CNTNAP2: variants seen among roughly 807,000 people sequenced by gnomAD.
CNTNAP2 encodes contactin associated protein 2.
Under a neutral mutation model 155.2 loss-of-function variants are expected in CNTNAP2, and 98 were observed. The observed-to-expected ratio is 0.63, with a 90% CI of 0.54 to 0.75. The LOEUF (loss-of-function observed/expected upper bound fraction) is 0.75. Among genes scored for constraint, CNTNAP2 ranks in the 30% least tolerant of loss-of-function variants. The pLI, the probability that CNTNAP2 is intolerant of heterozygous loss-of-function variation, is 0.00. For missense variants in CNTNAP2, 1,727 were observed against 1,688.1 expected, an observed-to-expected ratio of 1.02 and a Z score of -0.40; for synonymous variants, 651 against 631.2, an observed-to-expected ratio of 1.03 and a Z score of -0.47.
At chr7:146,486,222 G>T (rs557598317) in intron 1 of CNTNAP2, among the ~76,000 whole-genome samples, 2 of 151,544 alleles carry the variant, frequency 1.3e-5, no homozygotes, top group Non-Finnish European at 2.9e-5. Context: ...CCGCCACCGC[G>T]CCCGGCTAAT....
chr7:147,276,739 A>G (rs1328458196), intron 8 of CNTNAP2, among the ~76,000 whole-genome samples: 1 of 151,998 alleles, frequency 6.6e-6, no homozygotes, highest in Non-Finnish European at 1.5e-5. Flanking sequence ...GGCAATATTA[A>G]TGACTATGTT....
chr7:148,158,406 AG>A (rs945672954), intron 17 of CNTNAP2, among the ~76,000 whole-genome samples: 2 of 151,972 alleles, frequency 1.3e-5, no homozygotes, highest in African/African-American at 4.8e-5. Context: ...TATTTTTAGT[AG>A]AGATAGGATT....
chr7:147,497,622 C>A (rs1306097539), intron 11 of CNTNAP2, among the ~76,000 whole-genome samples: 2 of 152,162 alleles, frequency 1.3e-5, no homozygotes, highest in Non-Finnish European at 2.9e-5. Flanking sequence ...ATTCAGAGCT[C>A]TAGAAAAGCC....
chr7:146,857,662 G>A (rs1166771444), intron 3 of CNTNAP2, among the ~76,000 whole-genome samples: 6 of 152,158 alleles, frequency 3.9e-5, no homozygotes, highest in Admixed American at 2.0e-4. Context: ...AATGAGGGAC[G>A]AGAGAGCCTC....
chr7:147,183,867 T>C (rs957355067), intron 8 of CNTNAP2, among the ~76,000 whole-genome samples: 2 of 152,170 alleles, frequency 1.3e-5, no homozygotes, highest in Non-Finnish European at 2.9e-5. Flanking sequence ...ACATGGTACT[T>C]GCCCAGTAAA....
chr7:146,458,878 G>A (rs1206745537), intron 1 of CNTNAP2, among the ~76,000 whole-genome samples: 2 of 152,100 alleles, frequency 1.3e-5, no homozygotes, highest in African/African-American at 2.4e-5. Flanking sequence ...TGCCACCCTC[G>A]ATGATTGGCT....
chr7:147,925,206 G>GGAAGGAAGGAAGGAAGGAAGGAAGGAAA (rs1168048569), intron 14 of CNTNAP2, among the ~76,000 whole-genome samples: 1 of 122,728 alleles, frequency 8.1e-6, no homozygotes, highest in African/African-American at 3.0e-5. Flanking sequence ...AAGGAAGGAA[G>GGAAGGAAGGAAGGAAGGAAGGAAGGAAA]GAAAGAAGGA....
intron 8 of CNTNAP2, among the ~76,000 whole-genome samples, chr7:147,176,759 A>G (rs1449236927): frequency 1.6e-5 from 2 of 127,492 alleles, no homozygotes; most frequent in Admixed American, 1.8e-4. Context: ...ATATATAATT[A>G]TAATTATATA....
chr7:146,823,408 T>G (rs373838195), intron 2 of CNTNAP2, among the ~76,000 whole-genome samples: 61 of 115,010 alleles, frequency 5.3e-4, no homozygotes, highest in African/African-American at 2.1e-3. Context: ...TATTTCCATG[T>G]AAATATACTC....
intron 1 of CNTNAP2, among the ~76,000 whole-genome samples, chr7:146,666,265 TG>T (rs1176524796): frequency 6.6e-6 from 1 of 152,192 alleles, no homozygotes; most frequent in Non-Finnish European, 1.5e-5. Flanking sequence ...ATCCTGTTCC[TG>T]GCTTATGTCA....
rs74918845 is a variant in CNTNAP2 at position 146,628,485 on chromosome 7, G to A, written c.98-145786G>A. ...TTATTGACAAATGCTGAGAGTGGATGTAAAGTATTGTCAATACAAAAATAA... is the reference window on the plus strand; with the variant it reads ...TTATTGACAAATGCTGAGAGTGGATATAAAGTATTGTCAATACAAAAATAA... On this transcript the variant is annotated intron_variant, in intron 1 of 23. Coordinates refer to ENST00000361727, the MANE Select transcript of CNTNAP2 (RefSeq NM_014141.6). Among the ~76,000 whole-genome samples, 7 of 152,180 alleles carry A rather than the reference G, an allele frequency of 4.6e-5. No individual in the cohort carries two copies. The South Asian group carries it at 6.2e-4, about 14-fold the overall frequency.
chr7:147,830,161 A>AT (rs1352459058), intron 13 of CNTNAP2, among the ~76,000 whole-genome samples: 1 of 73,320 alleles, frequency 1.4e-5, no homozygotes, highest in Non-Finnish European at 2.8e-5. Context: ...TCGGGTTGCT[A>AT]TTAAAAAAAA....
chr7:146,464,447 T>G (rs1796687291), intron 1 of CNTNAP2, among the ~76,000 whole-genome samples: 1 of 152,132 alleles, frequency 6.6e-6, no homozygotes, highest in Non-Finnish European at 1.5e-5. Flanking sequence ...ACCTCTTATT[T>G]GTTAACTCAT....
rs1430514202 is a variant in CNTNAP2 at position 147,485,942 on chromosome 7, C to T, written c.1678C>T (p.Pro560Ser). 7 of 1,613,814 alleles carry T rather than the reference C, an allele frequency of 4.3e-6. No homozygotes were observed. The highest frequency in any genetic ancestry group is 1.3e-5 in the African/African-American group (1 of 74,894). ...DMCAIIDRCV[P>S]NHCEHGGKCS... ...TGTCTCTCTCTCTGACAGATGTGTG[C>T]CCAATCACTGTGAGCATGGTGGAAA... Residue 560 changes from proline (P) to serine (S), a missense_variant, in exon 11 of 24, where the codon CCC becomes TCC. Coordinates refer to ENST00000361727, the MANE Select transcript of CNTNAP2 (RefSeq NM_014141.6).
At chr7:148,240,906 G>A (rs1881727) in intron 20 of CNTNAP2, among the ~76,000 whole-genome samples, 107,228 of 152,034 alleles carry the variant, frequency 0.71, 39,267 homozygotes, top group East Asian at 0.95. Context: ...GTCCTTCCAC[G>A]TTCCCCTACC....
rs544469985 is a variant in CNTNAP2 at position 148,033,879 on chromosome 7, A to T, written c.2383+55890A>T. ...AGCAGCAAGCATATTACTTCTTCTTACCCCCTCCTATATTCCTGCCAAGGA... is the reference window on the plus strand; with the variant it reads ...AGCAGCAAGCATATTACTTCTTCTTTCCCCCTCCTATATTCCTGCCAAGGA... On this transcript the variant is annotated intron_variant, in intron 15 of 23. Coordinates refer to ENST00000361727, the MANE Select transcript of CNTNAP2 (RefSeq NM_014141.6). Among the ~76,000 whole-genome samples, 3 of 152,196 alleles carry T rather than the reference A, an allele frequency of 2.0e-5. No homozygotes were observed. In the East Asian group the frequency reaches 5.8e-4, roughly 30 times the overall value.
intron 3 of CNTNAP2, among the ~76,000 whole-genome samples, chr7:147,036,635 A>T (rs556258332): frequency 6.6e-6 from 1 of 152,290 alleles, no homozygotes; most frequent in South Asian, 2.1e-4. Flanking sequence ...GAAATTCACA[A>T]GTTGTTGTAA....
At chr7:147,636,812 ATG>A in intron 12 of CNTNAP2, among the ~76,000 whole-genome samples, 1 of 152,164 alleles carries the variant, frequency 6.6e-6, no homozygotes, top group Admixed American at 6.5e-5. Flanking sequence ...AAAAAATAAA[ATG>A]TGTGCAAGTA....
intron 1 of CNTNAP2, among the ~76,000 whole-genome samples, chr7:146,483,304 T>TATATATATATATATATATAC (rs1797001161): frequency 9.5e-6 from 1 of 105,284 alleles, no homozygotes; most frequent in Non-Finnish European, 1.8e-5. Flanking sequence ...TATATATATA[T>TATATATATATATATATATAC]ATATATATAT....
Sources: allele counts gnomAD v4.1 joint callset (sites outside exome capture counted in the v4.1 genomes callset), GRCh38; gene constraint gnomAD v4.1.1; transcripts MANE v1.5; gene names NCBI Gene and HGNC (gene_info 2026-07-23, HGNC 2026-07-21).